IMMP2L: variants seen among roughly 807,000 people sequenced by gnomAD.
IMMP2L encodes mitochondrial inner membrane protease subunit 2.
In IMMP2L, 18 loss-of-function variants were observed where a neutral mutation model predicts 19.3. That is an observed-to-expected ratio of 0.93 (90% confidence interval 0.64 to 1.38). The LOEUF is 1.38. IMMP2L is among the 40% of genes most tolerant of loss of function. The pLI is 0.00. For missense variants in IMMP2L, 233 were observed against 218.2 expected, an observed-to-expected ratio of 1.07 and a Z score of -0.43; for synonymous variants, 76 against 73.0, an observed-to-expected ratio of 1.04 and a Z score of -0.21.
chr7:111,492,365 T>C (rs1329704707), intron 2 of IMMP2L: 54 of 982,390 alleles, frequency 5.5e-5, no homozygotes, highest in Non-Finnish European at 6.0e-5. Context: ...TCCCCCATAC[T>C]AGAAGACTCA....
chr7:111,509,085 G>A (rs1845207701), intron 2 of IMMP2L, among the ~76,000 whole-genome samples: 3 of 152,132 alleles, frequency 2.0e-5, no homozygotes, highest in African/African-American at 4.8e-5. Context: ...GATTTTCCAA[G>A]CAAAAGCAAT....
chr7:110,873,945 G>C (rs770936898), intron 5 of IMMP2L, among the ~76,000 whole-genome samples: 13 of 152,088 alleles, frequency 8.5e-5, no homozygotes, highest in Non-Finnish European at 1.3e-4. Context: ...ACTACTTAAG[G>C]GGGTAAAAAA....
intron 3 of IMMP2L, among the ~76,000 whole-genome samples, chr7:111,157,900 A>G (rs1178460097): frequency 2.0e-5 from 3 of 152,002 alleles, no homozygotes; most frequent in Non-Finnish European, 4.4e-5. Context: ...AATAAATATT[A>G]AAAGAGAAAA....
intron 4 of IMMP2L, among the ~76,000 whole-genome samples, chr7:110,928,818 A>C (rs755841589): frequency 6.6e-6 from 1 of 152,118 alleles, no homozygotes; most frequent in Non-Finnish European, 1.5e-5. Flanking sequence ...CAGAAACCAA[A>C]TCCCCTGAAG....
rs374545050 is a variant in IMMP2L, at chr7:110,886,647, G to C, written c.354C>G (p.Ile118Met). The stretch of plus-strand genomic sequence containing the variant: ...GTCCATGATGATCACCTTCAACCCA[G>C]ATGTGACCACGGGGGACTTTGACAT... ...NRYVKVPRGH[I>M]WVEGDHHGHS... is the part of the protein sequence containing the mutation. Residue 118 changes from isoleucine (I) to methionine (M), a missense_variant, in exon 5 of 6, where the codon ATC (isoleucine) becomes ATG (methionine). Ile to Met is a conservative substitution (Grantham distance 10). Coordinates refer to ENST00000405709, the MANE Select transcript of IMMP2L (RefSeq NM_032549.4). The C allele has an allele frequency of 1.2e-5, 20 of 1,610,340 alleles. No homozygotes were observed. Among genetic ancestry groups the C allele is most frequent in the Non-Finnish European group, 1.6e-5 (19 of 1,176,894 alleles).
At chr7:111,145,490 T>C (rs1228971567) in intron 3 of IMMP2L, among the ~76,000 whole-genome samples, 3 of 152,094 alleles carry the variant, frequency 2.0e-5, no homozygotes, top group Non-Finnish European at 4.4e-5. Context: ...CTGGTCTGGG[T>C]AGGCCAAGCA....
chr7:111,418,676 T>G (rs1466988623), intron 3 of IMMP2L, among the ~76,000 whole-genome samples: 1 of 151,804 alleles, frequency 6.6e-6, no homozygotes, highest in African/African-American at 2.4e-5. Context: ...TTTCTTTGAG[T>G]AAACAATATA....
At chr7:110,804,189 T>A (rs1801455766) in intron 5 of IMMP2L, among the ~76,000 whole-genome samples, 1 of 152,098 alleles carries the variant, frequency 6.6e-6, no homozygotes, top group Admixed American at 6.6e-5. Flanking sequence ...GTAAACACTG[T>A]GTTTCTGATC....
rs1165806962 is a variant in IMMP2L, at chr7:110,727,772, T to G, written c.409-64051A>C. 6.6e-6 allele frequency among the ~76,000 whole-genome samples: 1 copy of G among 152,160 alleles called. No homozygotes were observed. Among genetic ancestry groups the G allele is most frequent in the Non-Finnish European group, 1.5e-5 (1 of 68,032 alleles). ...TAGAGAGTATTATTATCTAAGAGAGTCTGGGAAAGTCATGGGACTTACCTG... is the reference window on the plus strand; with the variant it reads ...TAGAGAGTATTATTATCTAAGAGAGGCTGGGAAAGTCATGGGACTTACCTG... On this transcript the variant is annotated intron_variant, in intron 5 of 5. Transcript: ENST00000405709. This position sits in a 1 kb window ranked among gnomAD's most constrained non-coding sequence, Gnocchi z 4.3.
intron 5 of IMMP2L, among the ~76,000 whole-genome samples, chr7:110,779,861 A>G (rs1562970475): frequency 2.0e-5 from 3 of 151,976 alleles, no homozygotes; most frequent in Admixed American, 6.6e-5. Flanking sequence ...ATACAGGAGT[A>G]AAGTTCCTAG....
intron 3 of IMMP2L, among the ~76,000 whole-genome samples, chr7:111,267,409 T>C (rs1444909105): frequency 6.6e-6 from 1 of 152,176 alleles, no homozygotes. Context: ...TTAACATTTG[T>C]TTCCCAGTTG....
chr7:111,272,572 G>T (rs1818579333), intron 3 of IMMP2L, among the ~76,000 whole-genome samples: 1 of 152,136 alleles, frequency 6.6e-6, no homozygotes, highest in Non-Finnish European at 1.5e-5. Context: ...TTCACACATA[G>T]TAAGTGTCCC....
At chr7:111,358,750 G>T (rs1478330938) in intron 3 of IMMP2L, among the ~76,000 whole-genome samples, 1 of 152,052 alleles carries the variant, frequency 6.6e-6, no homozygotes, top group African/African-American at 2.4e-5. Context: ...TCTCATTGTT[G>T]ATCTTATGCT....
chr7:110,995,103 A>G (rs1822891014), intron 3 of IMMP2L, among the ~76,000 whole-genome samples: 1 of 152,126 alleles, frequency 6.6e-6, no homozygotes, highest in South Asian at 2.1e-4. Flanking sequence ...AACTAACATG[A>G]ATATTAGTCA....
chr7:111,441,720 TAA>T (rs11312650), intron 3 of IMMP2L, among the ~76,000 whole-genome samples: 2,993 of 138,230 alleles, frequency 0.022, 165 homozygotes, highest in African/African-American at 0.073. Context: ...TTCAACTTGT[TAA>T]AAAAAAAAAA....
intron 3 of IMMP2L, among the ~76,000 whole-genome samples, chr7:111,145,607 A>G (rs747150108): frequency 6.6e-5 from 10 of 152,082 alleles, no homozygotes; most frequent in Non-Finnish European, 1.0e-4. Context: ...TAGGAACAGC[A>G]TGTACCCTAG....
chr7:111,225,545 C>T (rs1490422925), intron 3 of IMMP2L, among the ~76,000 whole-genome samples: 1 of 151,834 alleles, frequency 6.6e-6, no homozygotes, highest in Non-Finnish European at 1.5e-5. Flanking sequence ...GCATCAGATT[C>T]CACACTGTAA....
intron 3 of IMMP2L, among the ~76,000 whole-genome samples, chr7:111,287,428 G>C (rs1270084483): frequency 6.6e-6 from 1 of 151,964 alleles, no homozygotes; most frequent in Non-Finnish European, 1.5e-5. Context: ...AAAGGCTTTT[G>C]TATTAAACAC....
chr7:111,327,383 A>G (rs904407735), intron 3 of IMMP2L, among the ~76,000 whole-genome samples: 1 of 151,770 alleles, frequency 6.6e-6, no homozygotes, highest in Non-Finnish European at 1.5e-5. Context: ...ATAGATCATT[A>G]TATATAAAAA....
Sources: allele counts gnomAD v4.1 joint callset (sites outside exome capture counted in the v4.1 genomes callset), GRCh38; gene constraint gnomAD v4.1.1; non-coding constraint Gnocchi (gnomAD v3.1); transcripts MANE v1.5; gene names NCBI Gene and HGNC (gene_info 2026-07-23, HGNC 2026-07-21).